The following TLN2 variants were observed in gnomAD, a reference collection of about 807,000 sequenced individuals.
TLN2 encodes talin 2, also known as talin-2.
In TLN2, 118 loss-of-function variants were observed where a neutral mutation model predicts 294.7. That is an observed-to-expected ratio of 0.40 (90% CI 0.34 to 0.47). The LOEUF (loss-of-function observed/expected upper bound fraction) is 0.47. TLN2 is among the 20% of genes least tolerant of loss of function. The pLI is 0.84. For synonymous variants in TLN2, 1,431 were observed against 1,304.5 expected (o/e 1.10, Z -2.09); for missense variants, 3,083 against 3,282.2 (o/e 0.94, Z 1.48).
chr15:62,644,260 G>A (rs1408249612), intron 3 of TLN2, among the ~76,000 whole-genome samples: 1 of 150,996 alleles, frequency 6.6e-6, no homozygotes, highest in Non-Finnish European at 1.5e-5. Flanking sequence ...GGGTACATGC[G>A]ATCTCTCCCT....
chr15:62,658,250 T>G (rs1006508229), intron 9 of TLN2: 3 of 201,726 alleles, frequency 1.5e-5, no homozygotes, highest in African/African-American at 7.1e-5. Context: ...GGGGAGGACA[T>G]GAGCTTTCCT....
intron 53 of TLN2, 43 bp from the exon 54 acceptor site, chr15:62,820,443 G>C (rs1332216794): frequency 6.2e-6 from 10 of 1,608,676 alleles, no homozygotes; most frequent in African/African-American, 1.3e-5. Context: ...GTGCCCTGAG[G>C]TCTGCAGCTA....
At chr15:62,692,976 C>T (rs752624842) in intron 13 of TLN2, 35 bp downstream of exon 13, 10 of 1,557,796 alleles carry the variant, frequency 6.4e-6, no homozygotes, top group African/African-American at 1.4e-5. Flanking sequence ...AAAAGCAAGA[C>T]GGCTTTATTA....
intron 9 of TLN2, among the ~76,000 whole-genome samples, chr15:62,659,255 C>T (rs2053565011): frequency 6.6e-6 from 1 of 152,176 alleles, no homozygotes; most frequent in African/African-American, 2.4e-5. Context: ...GGCTTGTTCA[C>T]ACTTACTTAA....
chr15:62,396,789 C>G (rs140166752), intron 1 of TLN2, among the ~76,000 whole-genome samples: 1,784 of 152,194 alleles, frequency 0.012, 17 homozygotes, highest in Non-Finnish European at 0.017. Context: ...ACTGCAACCT[C>G]CACCTCCTGG....
In TLN2 at chr15:62,739,454, A is replaced by G; in HGVS notation, c.3794A>G (p.Gln1265Arg). The G allele has an allele frequency of 6.2e-7, 1 of 1,614,198 alleles. No homozygotes were observed. The highest frequency in any genetic ancestry group is 8.5e-7 in the Non-Finnish European group (1 of 1,180,034). The change falls in exon 31 of 59, where the codon CAG becomes CGG. Residue 1265 changes from glutamine to arginine, a missense_variant. Coordinates refer to ENST00000636159, the MANE Select transcript of TLN2 (RefSeq NM_015059.3). ...AGEVVHATRG[Q>R]SGELAAASGK... ...GAAGTGGTCCATGCCACCCGGGGCC[A>G]GAGTGGAGAGTTGGCTGCAGCCTCT...
chr15:62,674,280 C>T (rs139604896), intron 10 of TLN2, among the ~76,000 whole-genome samples: 18 of 152,206 alleles, frequency 1.2e-4, no homozygotes, highest in Admixed American at 7.8e-4. Flanking sequence ...CCAGAATTAT[C>T]CTAAAAGTCA....
At chr15:62,634,474 C>G (rs2050199725) in intron 3 of TLN2, among the ~76,000 whole-genome samples, 1 of 152,192 alleles carries the variant, frequency 6.6e-6, no homozygotes, top group Non-Finnish European at 1.5e-5. Context: ...TTAAAACAAT[C>G]CTTTAAAACA....
intron 9 of TLN2, among the ~76,000 whole-genome samples, chr15:62,660,420 A>G (rs547071294): frequency 6.6e-6 from 1 of 152,312 alleles, no homozygotes; most frequent in South Asian, 2.1e-4. Context: ...AGTGCTAGAG[A>G]GAGACAGAGA....
At chr15:62,823,008 G>T (rs2067712226) in intron 54 of TLN2, among the ~76,000 whole-genome samples, 1 of 152,152 alleles carries the variant, frequency 6.6e-6, no homozygotes, top group Non-Finnish European at 1.5e-5. Flanking sequence ...AGTACTCTAG[G>T]ATCATATAGC....
chr15:62,478,745 A>G (rs1013786020), intron 1 of TLN2, among the ~76,000 whole-genome samples: 5 of 152,168 alleles, frequency 3.3e-5, no homozygotes, highest in South Asian at 2.1e-4. Context: ...GTCAAAGACA[A>G]TCTCCAAGTG....
At chr15:62,765,090 C>G (rs1319609365) in intron 40 of TLN2, among the ~76,000 whole-genome samples, 2 of 151,198 alleles carry the variant, frequency 1.3e-5, no homozygotes, top group Non-Finnish European at 1.5e-5. Flanking sequence ...AACTCCCTCA[C>G]TAGGAAGAGA....
intron 31 of TLN2, among the ~76,000 whole-genome samples, chr15:62,740,098 G>A (rs1424694185): frequency 6.7e-6 from 1 of 149,628 alleles, no homozygotes; most frequent in Non-Finnish European, 1.5e-5. Context: ...GAGATAACCA[G>A]GGTGTATCTT....
At chr15:62,655,189 G>A (rs915867061) in intron 7 of TLN2, among the ~76,000 whole-genome samples, 1 of 152,152 alleles carries the variant, frequency 6.6e-6, no homozygotes, top group Non-Finnish European at 1.5e-5. Context: ...TACTGTGGGA[G>A]ATGTGGGAGA....
intron 1 of TLN2, among the ~76,000 whole-genome samples, chr15:62,544,572 A>T (rs571273249): frequency 5.9e-5 from 9 of 152,178 alleles, no homozygotes; most frequent in Non-Finnish European, 8.8e-5. Flanking sequence ...TAAAGGTTCT[A>T]AATTGAGGCG....
At position 62,724,642 on chromosome 15, in the gene TLN2, T is replaced by C. The variant is rs540516932; in HGVS notation, c.3127-334T>C. 1.0e-3 allele frequency among the ~76,000 whole-genome samples: 153 copies of C among 152,310 alleles called. 1 individual carries two copies. The highest frequency in any genetic ancestry group is 4.0e-4 in the Non-Finnish European group (27 of 68,038). On this transcript the variant is annotated intron_variant, in intron 26 of 58. Coordinates refer to ENST00000636159, the MANE Select transcript of TLN2 (RefSeq NM_015059.3). ...CCATGACTCTGTGTACACACATGGC[T>C]GTGCTAGGTGCCCTACCTCTAGAAC...
intron 1 of TLN2, among the ~76,000 whole-genome samples, chr15:62,548,940 A>C (rs2042138908): frequency 6.6e-6 from 1 of 152,198 alleles, no homozygotes; most frequent in Non-Finnish European, 1.5e-5. Context: ...AGTTAGATCC[A>C]CTTGGAGTTA....
At chr15:62,730,707 A>C (rs1051163406) in intron 28 of TLN2, among the ~76,000 whole-genome samples, 6 of 152,194 alleles carry the variant, frequency 3.9e-5, no homozygotes, top group Non-Finnish European at 7.4e-5. Flanking sequence ...TTCTGTTGTG[A>C]AGCTATGAAG....
intron 1 of TLN2, among the ~76,000 whole-genome samples, chr15:62,549,327 G>C (rs1327000934): frequency 6.6e-6 from 1 of 152,150 alleles, no homozygotes; most frequent in African/African-American, 2.4e-5. Flanking sequence ...AATTGAGACA[G>C]GGTTTCACTT....
Sources: allele counts gnomAD v4.1 joint callset (sites outside exome capture counted in the v4.1 genomes callset), GRCh38; gene constraint gnomAD v4.1.1; transcripts MANE v1.5; gene names NCBI Gene and HGNC (gene_info 2026-07-23, HGNC 2026-07-21).